Variants in EHHADH observed in about 807,000 individuals in gnomAD.
EHHADH encodes the protein enoyl-CoA hydratase and 3-hydroxyacyl CoA dehydrogenase.
In EHHADH, 48 loss-of-function variants were observed where a neutral mutation model predicts 64.4. That is an observed-to-expected ratio of 0.75 (90% CI 0.59 to 0.95). The LOEUF is 0.95. Ranked by LOEUF, EHHADH falls within the 40% of genes least tolerant of loss-of-function variation. The pLI, the probability that EHHADH is intolerant of heterozygous loss-of-function variation, is 0.00. For synonymous variants in EHHADH, 308 were observed against 326.7 expected, an observed-to-expected ratio of 0.94 and a Z score of 0.62; for missense variants, 854 against 876.6, an observed-to-expected ratio of 0.97 and a Z score of 0.33.
rs34093153 is a variant in EHHADH, at chr3:185,194,800, CAAAAAAAAA to C, written c.911-1322_911-1314del. Among the ~76,000 whole-genome samples the C allele has an allele frequency of 5.2e-3, 152 of 29,306 alleles. 5 individuals are homozygous for C. In the East Asian group the frequency reaches 0.12, roughly 23 times the overall value. The allele number at this position is 29,306 out of a possible 152,430, so 19.2% of individuals were successfully genotyped here. A position where few individuals can be genotyped will look rare whatever the true frequency, so the allele number is the denominator to read the frequency against. ...TATGTGACAGAGTGAGACCCTGTCT[CAAAAAAAAA>C]AAAAAAAAAAAAAAAAAAAGAAGCC... On this transcript the variant is annotated intron_variant, in intron 6 of 6. Coordinates refer to ENST00000231887, the MANE Select transcript of EHHADH (RefSeq NM_001966.4).
rs762384192 is a variant in EHHADH, at chr3:185,216,792, C to T, written c.568+1344G>A. ...CATTGCCTGCCACCAAGCGGGAGAC[C>T]AGCACTCTGTTCTGCCTGTAACGCA... On this transcript the variant is annotated intron_variant, in intron 5 of 6. Transcript: ENST00000231887. This position sits in a 1 kb window ranked among gnomAD's most constrained non-coding sequence, Gnocchi z 5.3. 6.6e-5 allele frequency among the ~76,000 whole-genome samples: 10 copies of T among 152,110 alleles called. No individual in the cohort carries two copies. The highest frequency in any genetic ancestry group is 1.5e-4 in the Non-Finnish European group (10 of 68,020).
rs752670450 is a variant in EHHADH, at chr3:185,192,933, A to G, written c.1465T>C (p.Tyr489His). Residue 489 changes from tyrosine to histidine, a missense_variant, in exon 7 of 7, where the codon TAC becomes CAC. By Grantham distance (83) the Tyr-to-His change is moderately conservative (BLOSUM62 2). Coordinates refer to ENST00000231887, the MANE Select transcript of EHHADH (RefSeq NM_001966.4). ...TCTAACAAGAAATATGCCTGATTGT[A>G]GTAAGGATTCAACATTCGATTCCCC... ...FVGNRMLNPY[Y>H]NQAYFLLEEG... The G allele has an allele frequency of 1.9e-6, 3 of 1,614,140 alleles. No individual in the cohort carries two copies. The South Asian group carries it at 3.3e-5, about 18-fold the overall frequency.
rs777715203 is a variant in EHHADH at position 185,193,507 on chromosome 3, G to A, written c.911-20C>T. 4 of 1,608,522 alleles carry A rather than the reference G, an allele frequency of 2.5e-6. No individual in the cohort carries two copies. The highest frequency in any genetic ancestry group is 2.2e-5 in the East Asian group (1 of 44,854). On this transcript the variant is annotated intron_variant, in intron 6 of 6. Transcript: ENST00000231887. ...CCAAGCCTGCAGATAAAAATCAAAG[G>A]AGAAAAAGAATGATTCAGTGGTATT...
intron 1 of EHHADH, among the ~76,000 whole-genome samples, chr3:185,249,949 A>C (rs1471043778): frequency 2.0e-5 from 3 of 152,144 alleles, no homozygotes; most frequent in Non-Finnish European, 2.9e-5. Flanking sequence ...TTTCCTCCCT[A>C]TTCCTGGCAC....
chr3:185,222,900 T>C (rs1718872370), intron 4 of EHHADH, among the ~76,000 whole-genome samples: 1 of 152,214 alleles, frequency 6.6e-6, no homozygotes, highest in Non-Finnish European at 1.5e-5. Flanking sequence ...AAAGTAACCT[T>C]TCGTTTTATT....
At chr3:185,251,067 G>C (rs1719732576) in intron 1 of EHHADH, among the ~76,000 whole-genome samples, 1 of 152,198 alleles carries the variant, frequency 6.6e-6, no homozygotes, top group Admixed American at 6.5e-5. Context: ...GAGAGTCATA[G>C]CAATGTAAAG....
chr3:185,221,975 C>T (rs1258342899), intron 4 of EHHADH, among the ~76,000 whole-genome samples: 1 of 152,106 alleles, frequency 6.6e-6, no homozygotes, highest in African/African-American at 2.4e-5. Context: ...CTTAGGACCC[C>T]TTTGCACTCT....
chr3:185,210,622 G>A (rs1228196985), intron 5 of EHHADH, among the ~76,000 whole-genome samples: 8 of 147,356 alleles, frequency 5.4e-5, no homozygotes, highest in African/African-American at 2.0e-4. Flanking sequence ...GCGACAGAGT[G>A]AGACTCTGTC....
intron 4 of EHHADH, among the ~76,000 whole-genome samples, chr3:185,228,280 GGAGA>G (rs35818610): frequency 1.5e-3 from 144 of 95,560 alleles, no homozygotes; most frequent in African/African-American, 4.9e-3. Context: ...ATATATATAT[GGAGA>G]GAGAGAGAGA....
intron 1 of EHHADH, among the ~76,000 whole-genome samples, chr3:185,250,212 AAAG>A (rs143849022): frequency 0.015 from 2,322 of 152,316 alleles, 59 homozygotes; most frequent in African/African-American, 0.052. Context: ...AAGATAGTGG[AAAG>A]ATAGGGCATG....
chr3:185,206,975 A>C (rs577273804), intron 5 of EHHADH, among the ~76,000 whole-genome samples: 1 of 151,526 alleles, frequency 6.6e-6, no homozygotes, highest in African/African-American at 2.4e-5. Context: ...TGGTAAAGAG[A>C]TGTATAGGTG....
intron 4 of EHHADH, among the ~76,000 whole-genome samples, chr3:185,223,784 T>A (rs774095719): frequency 3.3e-5 from 5 of 152,186 alleles, no homozygotes; most frequent in Non-Finnish European, 5.9e-5. Context: ...TTTATGAGAA[T>A]ACAGCAGAGC....
chr3:185,193,681 T>G (rs1717978721), intron 6 of EHHADH, among the ~76,000 whole-genome samples, 194 bp from the exon 7 acceptor site: 1 of 152,042 alleles, frequency 6.6e-6, no homozygotes, highest in Non-Finnish European at 1.5e-5. Context: ...TTAGTCAGAT[T>G]CACACACACA....
At chr3:185,209,091 G>T (rs942681621) in intron 5 of EHHADH, among the ~76,000 whole-genome samples, 24 of 152,104 alleles carry the variant, frequency 1.6e-4, no homozygotes, top group African/African-American at 5.3e-4. Context: ...TCTTAAAATT[G>T]ATTTATGGGG....
chr3:185,220,005 T>G (rs1360653372), intron 4 of EHHADH, among the ~76,000 whole-genome samples: 1 of 152,148 alleles, frequency 6.6e-6, no homozygotes, highest in African/African-American at 2.4e-5. Context: ...TTTCTGTACA[T>G]AAGTATCCTG....
chr3:185,202,667 C>T lies in EHHADH; in HGVS notation c.910+1749G>A, dbSNP rs535564551. On this transcript the variant is annotated intron_variant, in intron 6 of 6. Transcript: ENST00000231887. ...TGGTGGTATTAGACTCTCACAGGAG[C>T]GCGAACCCTATTGTGAACTGCGCAT... Among the ~76,000 whole-genome samples the T allele has an allele frequency of 6.6e-5, 10 of 152,266 alleles. No homozygotes were observed. The East Asian group carries it at 1.2e-3, about 18-fold the overall frequency.
At chr3:185,207,277 G>C (rs1268789415) in intron 5 of EHHADH, among the ~76,000 whole-genome samples, 1 of 147,662 alleles carries the variant, frequency 6.8e-6, no homozygotes, top group Non-Finnish European at 1.5e-5. Context: ...GACAGAGTGA[G>C]ACCCCATTTC....
chr3:185,197,420 G>T (rs973867078), intron 6 of EHHADH, among the ~76,000 whole-genome samples: 1 of 152,166 alleles, frequency 6.6e-6, no homozygotes, highest in Non-Finnish European at 1.5e-5. Context: ...TTGCAAAGCT[G>T]AAACTCTGCA....
chr3:185,234,465 G>A (rs1206374224), intron 3 of EHHADH, among the ~76,000 whole-genome samples: 4 of 152,248 alleles, frequency 2.6e-5, no homozygotes, highest in Non-Finnish European at 5.9e-5. Flanking sequence ...ACTGGAGGTA[G>A]AGTCTCGGGG....
Sources: gnomAD v4.1 joint callset for allele counts (sites outside exome capture counted in the v4.1 genomes callset) on GRCh38, gnomAD v4.1.1 for gene constraint, Gnocchi (gnomAD v3.1) non-coding constraint, MANE v1.5 for transcripts, NCBI Gene and HGNC (gene_info 2026-07-23, HGNC 2026-07-21) for gene names.